Variants in KCNB2 observed in about 807,000 individuals in gnomAD.
The protein encoded by KCNB2 is potassium voltage-gated channel subfamily B member 2.
In KCNB2, 15 loss-of-function variants were observed where a neutral mutation model predicts 61.5. The observed-to-expected ratio is 0.24, with a 90% CI of 0.16 to 0.38. The LOEUF (loss-of-function observed/expected upper bound fraction) is 0.38, where lower values mean the gene tolerates loss of function less well. Ranked by LOEUF, KCNB2 falls within the 10% of genes least tolerant of loss-of-function variation. The pLI is 1.00. For missense variants in KCNB2, 828 were observed against 1,125.2 expected (o/e 0.74, Z 3.78); for synonymous variants, 457 against 446.0 (o/e 1.02, Z -0.31).
chr8:72,634,372 A>G lies in KCNB2; in HGVS notation c.579+66059A>G, dbSNP rs926467457. Among the ~76,000 whole-genome samples the G allele has an allele frequency of 3.3e-4, 50 of 152,154 alleles. 2 individuals carry two copies. The highest frequency in any genetic ancestry group is 5.9e-5 in the Non-Finnish European group (4 of 68,014). ...AATCGCCTAAGATCTTAACATTCAC[A>G]TTCTAATTATCGAGTCTGAGATGAG... On this transcript the variant is annotated intron_variant, in intron 2 of 2. Transcript: ENST00000523207.
chr8:72,841,633 T>C (rs1194471181), intron 2 of KCNB2, among the ~76,000 whole-genome samples: 1 of 152,208 alleles, frequency 6.6e-6, no homozygotes, highest in Non-Finnish European at 1.5e-5. Context: ...TAGTTCTCCT[T>C]GAAGAGGTCC....
At chr8:72,626,018 A>C (rs555008090) in intron 2 of KCNB2, among the ~76,000 whole-genome samples, 1 of 152,348 alleles carries the variant, frequency 6.6e-6, no homozygotes, top group South Asian at 2.1e-4. Flanking sequence ...AAGCAATTTC[A>C]AAATCAGCTT....
At chr8:72,861,090 T>C (rs1250987459) in intron 2 of KCNB2, among the ~76,000 whole-genome samples, 3 of 152,226 alleles carry the variant, frequency 2.0e-5, no homozygotes, top group African/African-American at 7.2e-5. Context: ...ACCGGAAGTT[T>C]CTTTTCTGTG....
At chr8:72,652,412 T>A (rs1290966397) in intron 2 of KCNB2, among the ~76,000 whole-genome samples, 2 of 152,038 alleles carry the variant, frequency 1.3e-5, no homozygotes, top group Non-Finnish European at 2.9e-5. Flanking sequence ...CTATATCCTC[T>A]CTTGCCCTCC....
At chr8:72,934,185 C>T (rs976569795) in intron 2 of KCNB2, among the ~76,000 whole-genome samples, 5 of 151,800 alleles carry the variant, frequency 3.3e-5, no homozygotes, top group South Asian at 4.2e-4. Context: ...GGCAGCAGGG[C>T]GAAACCCCGT....
At position 72,625,637 on chromosome 8, in the gene KCNB2, C is replaced by G. The variant is rs149993018; in HGVS notation, c.579+57324C>G. ...CTAGAGACAGGGTCTCACTTTATTG[C>G]CCAGGCTGGTCTTGAACGCTTGGGC... On this transcript the variant is annotated intron_variant, in intron 2 of 2. Coordinates refer to ENST00000523207, the MANE Select transcript of KCNB2 (RefSeq NM_004770.3). 5.7e-3 allele frequency among the ~76,000 whole-genome samples: 866 copies of G among 152,196 alleles called. 2 individuals are homozygous for G. The highest frequency in any genetic ancestry group is 0.02 in the African/African-American group (824 of 41,548).
At chr8:72,846,576 A>C (rs7834040) in intron 2 of KCNB2, among the ~76,000 whole-genome samples, 128,775 of 151,190 alleles carry the variant, frequency 0.85, 55,796 homozygotes, top group Middle Eastern at 0.97. Context: ...AGAAAAAAAA[A>C]ACCATCAAAA....
chr8:72,539,403 A>G (rs1425072104), intron 1 of KCNB2, among the ~76,000 whole-genome samples: 1 of 152,226 alleles, frequency 6.6e-6, no homozygotes, highest in Non-Finnish European at 1.5e-5. Flanking sequence ...TCCACAAAGT[A>G]AATACCATAA....
intron 2 of KCNB2, among the ~76,000 whole-genome samples, chr8:72,859,964 C>A (rs889750107): frequency 6.6e-6 from 1 of 151,872 alleles, no homozygotes; most frequent in Non-Finnish European, 1.5e-5. Flanking sequence ...GGTGATCCAC[C>A]CGCCTTGGCC....
Position 72,858,568 on chromosome 8 carries a change from T to A in KCNB2, c.580-77367T>A, listed in dbSNP as rs191104943. ...TTAAGGCACTAAGCAGTTTTCCTGC[T>A]TTGCAGAGCTAAACTGGCAGCACAA... On this transcript the variant is annotated intron_variant, in intron 2 of 2. Transcript: ENST00000523207. Among the ~76,000 whole-genome samples the A allele has an allele frequency of 2.7e-4, 41 of 152,368 alleles. No homozygotes were observed. The East Asian group carries it at 4.6e-3, about 17-fold the overall frequency.
chr8:72,658,864 A>G (rs1806334958), intron 2 of KCNB2, among the ~76,000 whole-genome samples: 1 of 152,220 alleles, frequency 6.6e-6, no homozygotes, highest in Admixed American at 6.5e-5. Flanking sequence ...GACAATTTTA[A>G]GTACACTGTT....
chr8:72,779,368 G>T (rs111538011), intron 2 of KCNB2, among the ~76,000 whole-genome samples: 1 of 152,060 alleles, frequency 6.6e-6, no homozygotes, highest in Non-Finnish European at 1.5e-5. Flanking sequence ...ATATTTGCAT[G>T]CAGGACAGCT....
chr8:72,682,144 T>G (rs773932028), intron 2 of KCNB2, among the ~76,000 whole-genome samples: 23 of 152,188 alleles, frequency 1.5e-4, no homozygotes, highest in Non-Finnish European at 3.2e-4. Context: ...ATGTAAAAAC[T>G]AATTCATTTT....
chr8:72,635,360 T>C (rs1409213880), intron 2 of KCNB2, among the ~76,000 whole-genome samples: 1 of 152,182 alleles, frequency 6.6e-6, no homozygotes, highest in Non-Finnish European at 1.5e-5. Context: ...TATAGGAGAT[T>C]CTGAATCACC....
chr8:72,862,046 A>G (rs925846456), intron 2 of KCNB2, among the ~76,000 whole-genome samples: 1 of 152,134 alleles, frequency 6.6e-6, no homozygotes, highest in Non-Finnish European at 1.5e-5. Context: ...GTGGTGCACA[A>G]CTGTAGTCCC....
chr8:72,799,402 C>CATTATTATTTATT lies in KCNB2; in HGVS notation c.580-136523_580-136522insATTATTATTATTT, dbSNP rs1809086167. On this transcript the variant is annotated intron_variant, in intron 2 of 2. Coordinates refer to ENST00000523207, the MANE Select transcript of KCNB2 (RefSeq NM_004770.3). ...AAATAAAATGCACTGTTCAAGAGCA[C>CATTATTATTTATT]ATTATTATTTTTTATTATTATTATT... is the stretch of plus-strand genomic sequence containing the variant. 2.0e-5 allele frequency among the ~76,000 whole-genome samples: 3 copies of CATTATTATTTATT among 151,818 alleles called. No individual in the cohort carries two copies. The South Asian group carries it at 6.3e-4, about 32-fold the overall frequency.
At chr8:72,717,961 T>C (rs1170506991) in intron 2 of KCNB2, among the ~76,000 whole-genome samples, 2 of 151,448 alleles carry the variant, frequency 1.3e-5, no homozygotes, top group Non-Finnish European at 2.9e-5. Flanking sequence ...TCAAACAAAT[T>C]TACAAGAAAA....
At chr8:72,566,284 T>A (rs1186818915) in intron 1 of KCNB2, among the ~76,000 whole-genome samples, 1 of 152,158 alleles carries the variant, frequency 6.6e-6, no homozygotes, top group Non-Finnish European at 1.5e-5. Context: ...TTTGCAGAGT[T>A]TAAAGCATGT....
At chr8:72,632,081 G>T (rs1371573158) in intron 2 of KCNB2, among the ~76,000 whole-genome samples, 1 of 146,212 alleles carries the variant, frequency 6.8e-6, no homozygotes, top group South Asian at 2.3e-4. Flanking sequence ...TTTAAAAAAA[G>T]ATTTTTTTTT....
Sources: gnomAD v4.1 joint callset for allele counts (sites outside exome capture counted in the v4.1 genomes callset) on GRCh38, gnomAD v4.1.1 for gene constraint, MANE v1.5 for transcripts, NCBI Gene and HGNC (gene_info 2026-07-23, HGNC 2026-07-21) for gene names.